Variants in IL1RAPL1 observed in about 807,000 individuals in gnomAD.
IL1RAPL1 encodes interleukin-1 receptor accessory protein-like 1.
A neutral mutation model predicts 48.4 loss-of-function variants in IL1RAPL1; 3 were observed. The ratio of observed to expected loss-of-function variants is 0.06; its 90% CI spans 0.03 to 0.16. IL1RAPL1 has a LOEUF of 0.16. IL1RAPL1 is among the 10% of genes least tolerant of loss of function. The pLI, the probability that IL1RAPL1 is intolerant of heterozygous loss-of-function variation, is 1.00. For missense variants in IL1RAPL1, 349 were observed against 530.6 expected (o/e 0.66, Z 3.36); for synonymous variants, 185 against 187.7 (o/e 0.99, Z 0.12).
intron 5 of IL1RAPL1, among the ~76,000 whole-genome samples, chrX:29,589,247 C>A (rs770799209): frequency 9.0e-6 from 1 of 111,646 alleles, no homozygotes; most frequent in South Asian, 3.8e-4. Context: ...ATTCTCTGGG[C>A]TTATCATTTT....
At chrX:28,935,479 A>C (rs1402682654) in intron 2 of IL1RAPL1, among the ~76,000 whole-genome samples, 2 of 111,692 alleles carry the variant, frequency 1.8e-5, no homozygotes, top group Admixed American at 1.9e-4. Flanking sequence ...CTACTCGTTG[A>C]CTTATGTGTC....
At chrX:29,799,958 ATGT>A (rs1199304932) in intron 6 of IL1RAPL1, among the ~76,000 whole-genome samples, 1 of 111,809 alleles carries the variant, frequency 8.9e-6, no homozygotes, top group Admixed American at 9.5e-5. Context: ...TTGCCTGGAA[ATGT>A]TGTACATCTC....
intron 1 of IL1RAPL1, among the ~76,000 whole-genome samples, chrX:28,753,925 A>G (rs980808691): frequency 9.0e-6 from 1 of 110,536 alleles, no homozygotes; most frequent in Non-Finnish European, 1.9e-5. Flanking sequence ...GGAGGGAGAG[A>G]GAGAGAGAGA....
At chrX:28,954,643 G>T (rs1924555617) in intron 2 of IL1RAPL1, among the ~76,000 whole-genome samples, 1 of 110,398 alleles carries the variant, frequency 9.1e-6, no homozygotes, top group Non-Finnish European at 1.9e-5. Flanking sequence ...GTGTGTGACT[G>T]AATTGCCTCC....
chrX:29,913,265 A>G (rs73456473), intron 6 of IL1RAPL1, among the ~76,000 whole-genome samples: 3,657 of 110,001 alleles, frequency 0.033, 155 homozygotes, highest in African/African-American at 0.12. Flanking sequence ...AATTTGTACA[A>G]TTAAGAGAAA....
intron 6 of IL1RAPL1, among the ~76,000 whole-genome samples, chrX:29,688,298 G>A (rs1377971652): frequency 9.0e-6 from 1 of 110,960 alleles, no homozygotes; most frequent in Non-Finnish European, 1.9e-5. Flanking sequence ...GTCTATGGCT[G>A]TCTACATTAT....
intron 1 of IL1RAPL1, among the ~76,000 whole-genome samples, chrX:28,750,295 A>T (rs1456550359): frequency 4.5e-5 from 5 of 111,718 alleles, no homozygotes; most frequent in African/African-American, 1.6e-4. Flanking sequence ...TAGGCATCTT[A>T]TGTATTATAC....
intron 5 of IL1RAPL1, among the ~76,000 whole-genome samples, chrX:29,642,131 C>CT (rs765473160): frequency 3.9e-4 from 44 of 112,492 alleles, no homozygotes; most frequent in African/African-American, 1.3e-3. Context: ...TGCTTTTATC[C>CT]ACTTTCAGGA....
chrX:28,691,661 C>A (rs1194192229), intron 1 of IL1RAPL1, among the ~76,000 whole-genome samples: 1 of 111,547 alleles, frequency 9.0e-6, no homozygotes, highest in Admixed American at 9.6e-5. Flanking sequence ...CACTCTTCTT[C>A]TTCCCTCCCT....
chrX:29,581,209 TTTTA>T (rs1305350638), intron 5 of IL1RAPL1, among the ~76,000 whole-genome samples: 5 of 112,692 alleles, frequency 4.4e-5, no homozygotes, highest in Non-Finnish European at 5.6e-5. Context: ...AGCTTTTGGA[TTTTA>T]TTTGTGTCGA....
At chrX:29,503,037 C>T (rs1029578648) in intron 5 of IL1RAPL1, among the ~76,000 whole-genome samples, 2 of 111,242 alleles carry the variant, frequency 1.8e-5, no homozygotes, top group Non-Finnish European at 3.8e-5. Flanking sequence ...TTTTATGTGT[C>T]CCAGAATTTA....
chrX:29,204,199 C>G (rs1930617400), intron 2 of IL1RAPL1, among the ~76,000 whole-genome samples: 2 of 111,724 alleles, frequency 1.8e-5, no homozygotes, highest in South Asian at 7.4e-4. Flanking sequence ...AATATCTCTT[C>G]AATATACTAA....
At chrX:29,524,610 A>G (rs1935534990) in intron 5 of IL1RAPL1, among the ~76,000 whole-genome samples, 1 of 111,639 alleles carries the variant, frequency 9.0e-6, no homozygotes, top group Admixed American at 9.6e-5. Context: ...TACAGGGTGT[A>G]AAAGAGATAT....
intron 3 of IL1RAPL1, among the ~76,000 whole-genome samples, chrX:29,324,545 G>T (rs762896953): frequency 8.9e-6 from 1 of 111,759 alleles, no homozygotes; most frequent in East Asian, 2.8e-4. Flanking sequence ...TGGTATGGGG[G>T]ATCTTTGACC....
chrX:29,811,134 G>C lies in IL1RAPL1; in HGVS notation c.779-106330G>C, dbSNP rs766392360. On this transcript the variant is annotated intron_variant, in intron 6 of 10. Transcript: ENST00000378993. ...CAGTCTAACGTATAGTGACAAAAGA[G>C]GGGGGTCAGTGATTCTCCTGTTATA... 4.5e-5 allele frequency among the ~76,000 whole-genome samples: 5 copies of C among 109,912 alleles called. No homozygotes were observed. In the East Asian group the frequency reaches 8.6e-4, roughly 19 times the overall value.
rs1281588665 is a variant in IL1RAPL1 at position 29,168,657 on chromosome X, GTATTGTATATA to G, written c.83-114265_83-114255del. Among the ~76,000 whole-genome samples, 19 of 88,620 alleles carry G rather than the reference GTATTGTATATA, an allele frequency of 2.1e-4. 2 individuals are homozygous for G. Among genetic ancestry groups the G allele is most frequent in the African/African-American group, 5.7e-4 (14 of 24,765 alleles). The allele number at this position is 88,620 out of a possible 115,157, so 77.0% of individuals were successfully genotyped here. A position where few individuals can be genotyped will look rare whatever the true frequency, so the allele number is the denominator to read the frequency against. The stretch of plus-strand genomic sequence containing the variant: ...CATCTATTGTATATGTATTGTATAT[GTATTGTATATA>G]TATTGTATATATATTCATATGTACA... On this transcript the variant is annotated intron_variant, in intron 2 of 10. Coordinates refer to ENST00000378993, the MANE Select transcript of IL1RAPL1 (RefSeq NM_014271.4).
chrX:29,033,055 G>T (rs1926656399), intron 2 of IL1RAPL1, among the ~76,000 whole-genome samples: 1 of 111,728 alleles, frequency 9.0e-6, no homozygotes, highest in Non-Finnish European at 1.9e-5. Context: ...AAATATGTTA[G>T]CTATAATTAA....
At chrX:28,965,389 CA>C (rs1329872960) in intron 2 of IL1RAPL1, among the ~76,000 whole-genome samples, 1 of 111,263 alleles carries the variant, frequency 9.0e-6, no homozygotes, top group East Asian at 2.8e-4. Context: ...TTTTCTCTCT[CA>C]GAAGACAGGC....
intron 3 of IL1RAPL1, among the ~76,000 whole-genome samples, chrX:29,312,786 C>T (rs1932745646): frequency 9.0e-6 from 1 of 110,927 alleles, no homozygotes; most frequent in Non-Finnish European, 1.9e-5. Context: ...TGGGAGGGAG[C>T]GGTGGAAGAT....
Sources: gnomAD v4.1 joint callset for allele counts (sites outside exome capture counted in the v4.1 genomes callset) on GRCh38, gnomAD v4.1.1 for gene constraint, MANE v1.5 for transcripts, NCBI Gene and HGNC (gene_info 2026-07-23, HGNC 2026-07-21) for gene names.